SERTAD2: variants seen among roughly 807,000 people sequenced by gnomAD.
SERTAD2 encodes SERTA domain-containing protein 2.
In SERTAD2, 2 loss-of-function variants were observed where a neutral mutation model predicts 15.4. The observed-to-expected ratio is 0.13, with a 90% confidence interval of 0.05 to 0.41. The LOEUF (loss-of-function observed/expected upper bound fraction) is 0.41. Ranked by LOEUF, SERTAD2 falls within the 10% of genes least tolerant of loss-of-function variation. The pLI, the probability that SERTAD2 is intolerant of heterozygous loss-of-function variation, is 0.99. For synonymous variants in SERTAD2, 180 were observed against 178.0 expected, an observed-to-expected ratio of 1.01 and a Z score of -0.09; for missense variants, 333 against 409.7, an observed-to-expected ratio of 0.81 and a Z score of 1.62.
chr2:64,635,977 T>C lies in SERTAD2; in HGVS notation c.895A>G (p.Met299Val). ...QPVTPSQPFK[M>V]DLTELDHIME... Reference sequence around the variant, plus strand: ...ATGTGGTCCAGCTCTGTGAGGTCCATTTTGAAAGGCTGACTTGGGGTGACA... The same window carrying C: ...ATGTGGTCCAGCTCTGTGAGGTCCACTTTGAAAGGCTGACTTGGGGTGACA... Residue 299 changes from methionine to valine, a missense_variant, in exon 2 of 2, where the codon ATG (methionine) becomes GTG (valine). Around this residue, in one of 2 missense-constraint regions of SERTAD2, gnomAD observed 332 missense variants for 392.9 expected, o/e 0.84. Transcript: ENST00000313349. The C allele has an allele frequency of 6.2e-7, 1 of 1,614,086 alleles. No individual in the cohort carries two copies. The highest frequency in any genetic ancestry group is 8.5e-7 in the Non-Finnish European group (1 of 1,179,996).
At chr2:64,642,308 G>A (rs746575072) in intron 1 of SERTAD2, among the ~76,000 whole-genome samples, 1 of 152,148 alleles carries the variant, frequency 6.6e-6, no homozygotes, top group Non-Finnish European at 1.5e-5. Context: ...GGGTCTTAAA[G>A]TGATGGCAGT....
At chr2:64,647,278 ATATC>A (rs1160043073) in intron 1 of SERTAD2, among the ~76,000 whole-genome samples, 3 of 152,194 alleles carry the variant, frequency 2.0e-5, no homozygotes, top group African/African-American at 4.8e-5. Context: ...AACTATAAAC[ATATC>A]TATATTTTAT....
Position 64,633,251 on chromosome 2 carries a change from T to A in SERTAD2, c.*2676A>T, listed in dbSNP as rs899353724. ...CTTGTTAGACTTTGAGTATCAGGGA[T>A]TTATGGCAACGGTGTCAGAGTTAAA... On this transcript the variant is annotated 3_prime_UTR_variant, in exon 2 of 2. Transcript: ENST00000313349. 10 of 152,228 alleles carry A rather than the reference T, an allele frequency of 6.6e-5. No homozygotes were observed. The highest frequency in any genetic ancestry group is 6.2e-4 in the South Asian group (3 of 4,834). The allele number at this position is 152,228 out of a possible 1,614,324, so 9.4% of individuals were successfully genotyped here.
chr2:64,651,882 G>A (rs980299955), intron 1 of SERTAD2, among the ~76,000 whole-genome samples: 1 of 152,074 alleles, frequency 6.6e-6, no homozygotes, highest in South Asian at 2.1e-4. Context: ...TAAGGAAAAG[G>A]GCCGGGTGTT....
At chr2:64,645,778 T>C (rs1398352432) in intron 1 of SERTAD2, among the ~76,000 whole-genome samples, 1 of 152,206 alleles carries the variant, frequency 6.6e-6, no homozygotes, top group Admixed American at 6.5e-5. Context: ...AAAATGTTTC[T>C]TATATCCTGT....
At chr2:64,640,955 C>CA (rs1195656503) in intron 1 of SERTAD2, among the ~76,000 whole-genome samples, 1 of 152,188 alleles carries the variant, frequency 6.6e-6, no homozygotes, top group Non-Finnish European at 1.5e-5. Flanking sequence ...GGTTTGAGAT[C>CA]AAATGACCTC....
At chr2:64,650,476 A>C (rs1480902909) in intron 1 of SERTAD2, among the ~76,000 whole-genome samples, 1 of 152,152 alleles carries the variant, frequency 6.6e-6, no homozygotes. Context: ...ACACAGTGCT[A>C]ATGGAGAAAG....
At position 64,639,860 on chromosome 2, in the gene SERTAD2, T is replaced by G. The variant is rs148208824; in HGVS notation, c.-4-2985A>C. Among the ~76,000 whole-genome samples the G allele has an allele frequency of 6.9e-3, 1,049 of 152,332 alleles. 13 individuals carry two copies. Among genetic ancestry groups the G allele is most frequent in the African/African-American group, 0.022 (927 of 41,564 alleles). On this transcript the variant is annotated intron_variant, in intron 1 of 1. Transcript: ENST00000313349. ...AGAATGATCCAGCTGGCCAGAGCTGTGTGCTAATCCTAATGATTTAGAGAA... is the reference window on the plus strand; with the variant it reads ...AGAATGATCCAGCTGGCCAGAGCTGGGTGCTAATCCTAATGATTTAGAGAA...
intron 1 of SERTAD2, among the ~76,000 whole-genome samples, chr2:64,645,718 C>T (rs1418162193): frequency 6.6e-6 from 1 of 152,128 alleles, no homozygotes; most frequent in Non-Finnish European, 1.5e-5. Flanking sequence ...CTTGTTAGTA[C>T]ACATCTGGAA....
In SERTAD2 at chr2:64,636,589, C is replaced by T. The variant is rs200657866; in HGVS notation, c.283G>A (p.Glu95Lys). Residue 95 changes from glutamate to lysine, a missense_variant, in exon 2 of 2, where the codon GAG becomes AAG. By Grantham distance (56) the Glu-to-Lys change is moderately conservative. Transcript: ENST00000313349. ...GCCTCTCGGTAGCTGTCGCTGGGCTCGGTGGTGGGCTGGGAGGAGGGGGTG... is the reference window on the plus strand; with the variant it reads ...GCCTCTCGGTAGCTGTCGCTGGGCTTGGTGGTGGGCTGGGAGGAGGGGGTG... ...MFTPSSQPTT[E>K]PSDSYREAPP... The T allele has an allele frequency of 2.9e-5, 47 of 1,601,604 alleles. No individual in the cohort carries two copies. Among genetic ancestry groups the T allele is most frequent in the Non-Finnish European group, 3.8e-5 (45 of 1,172,544 alleles).
At chr2:64,651,524 C>G (rs2104354528) in intron 1 of SERTAD2, among the ~76,000 whole-genome samples, 1 of 152,272 alleles carries the variant, frequency 6.6e-6, no homozygotes, top group South Asian at 2.1e-4. Context: ...AGTCGCCACA[C>G]AAATTTGAAT....
At chr2:64,651,490 AAATAGC>A (rs1675008323) in intron 1 of SERTAD2, among the ~76,000 whole-genome samples, 1 of 152,236 alleles carries the variant, frequency 6.6e-6, no homozygotes, top group Admixed American at 6.5e-5. Flanking sequence ...ACCCTGTTTA[AAATAGC>A]AGATACCATA....
rs1674589090 is a variant in SERTAD2, at chr2:64,633,771, T to C, written c.*2156A>G. ...GCAGTACGAGGTGTCTGCGTGGAGG[T>C]TGCTTGTAGGAGAACAAGTGCAATT... On this transcript the variant is annotated 3_prime_UTR_variant, in exon 2 of 2. Transcript: ENST00000313349. 2.0e-5 allele frequency: 3 copies of C among 152,080 alleles called. No individual in the cohort carries two copies. 9.4% of individuals were successfully genotyped at this position (152,080 alleles called of 1,614,324 possible).
intron 1 of SERTAD2, among the ~76,000 whole-genome samples, chr2:64,645,602 A>C (rs4671603): frequency 0.88 from 133,501 of 152,212 alleles, 58,732 homozygotes; most frequent in East Asian, 0.92. Context: ...TCTCCTAGTA[A>C]AATAATTTTT....
rs1674644369 is a variant in SERTAD2 at position 64,635,825 on chromosome 2, T to A, written c.*102A>T. On this transcript the variant is annotated 3_prime_UTR_variant, in exon 2 of 2. Transcript: ENST00000313349. ...ATCCTGTTGTAAAATTTTCTTTTTC[T>A]CTGAAAAAGGCAAGCAAGGGTGCAT... 1.0e-6 allele frequency: 1 copy of A among 962,758 alleles called. No individual in the cohort carries two copies. The highest frequency in any genetic ancestry group is 1.6e-6 in the Non-Finnish European group (1 of 635,098). The allele number at this position is 962,758 out of a possible 1,614,324, so 59.6% of individuals were successfully genotyped here. A position where few individuals can be genotyped will look rare whatever the true frequency, so the allele number is the denominator to read the frequency against.
rs1333740612 is a variant in SERTAD2 at position 64,635,818 on chromosome 2, C to G, written c.*109G>C. On this transcript the variant is annotated 3_prime_UTR_variant, in exon 2 of 2. Transcript: ENST00000313349. ...TAGTGTGATCCTGTTGTAAAATTTT[C>G]TTTTTCTCTGAAAAAGGCAAGCAAG... The G allele has an allele frequency of 9.1e-6, 8 of 881,156 alleles. No homozygotes were observed. In the East Asian group the frequency reaches 1.7e-4, roughly 19 times the overall value. The allele number at this position is 881,156 out of a possible 1,614,324, so 54.6% of individuals were successfully genotyped here. A position where few individuals can be genotyped will look rare whatever the true frequency, so the allele number is the denominator to read the frequency against.
chr2:64,632,239 G>C lies in SERTAD2; in HGVS notation c.*3688C>G, dbSNP rs1270055129. ...AGAGTAGCAATTGCTGCACGAAGTA[G>C]AGTCTTTTTTTTTTTTTTTTTTACA... is the stretch of plus-strand genomic sequence containing the variant. On this transcript the variant is annotated 3_prime_UTR_variant, in exon 2 of 2. Transcript: ENST00000313349. 1 of 140,292 alleles carries C rather than the reference G, an allele frequency of 7.1e-6. No individual in the cohort carries two copies. 8.7% of individuals were successfully genotyped at this position (140,292 alleles called of 1,614,324 possible). A position where few individuals can be genotyped will look rare whatever the true frequency, so the allele number is the denominator to read the frequency against.
At chr2:64,641,581 A>G (rs1252517464) in intron 1 of SERTAD2, among the ~76,000 whole-genome samples, 1 of 152,168 alleles carries the variant, frequency 6.6e-6, no homozygotes, top group Non-Finnish European at 1.5e-5. Flanking sequence ...ATACACGAAC[A>G]GTAAGTGGAA....
At chr2:64,650,814 TATTA>T (rs371899730) in intron 1 of SERTAD2, among the ~76,000 whole-genome samples, 52 of 152,338 alleles carry the variant, frequency 3.4e-4, no homozygotes, top group African/African-American at 1.3e-3. Context: ...TGCTAGTCAG[TATTA>T]ATTAACAGAA....
Sources: allele counts gnomAD v4.1 joint callset (sites outside exome capture counted in the v4.1 genomes callset), GRCh38; gene constraint gnomAD v4.1.1; regional missense constraint gnomAD v4.1.1; transcripts MANE v1.5; gene names NCBI Gene and HGNC (gene_info 2026-07-23, HGNC 2026-07-21).